Variants in TDRD7 observed in about 807,000 individuals in gnomAD.
TDRD7 encodes the protein tudor domain-containing protein 7.
TDRD7 carries 47 observed loss-of-function variants against 109.8 expected under a neutral mutation model. That is an observed-to-expected ratio of 0.43 (90% CI 0.34 to 0.55). The LOEUF (loss-of-function observed/expected upper bound fraction) is 0.55, where lower values mean the gene tolerates loss of function less well. Among genes scored for constraint, TDRD7 ranks in the 20% least tolerant of loss-of-function variants. The pLI is 0.03. For missense variants in TDRD7, 1,164 were observed against 1,319.2 expected (o/e 0.88, Z 1.82); for synonymous variants, 424 against 457.3 (o/e 0.93, Z 0.93).
chr9:97,447,591 A>G (rs1431290931), intron 6 of TDRD7, among the ~76,000 whole-genome samples: 1 of 152,234 alleles, frequency 6.6e-6, no homozygotes, highest in Non-Finnish European at 1.5e-5. Flanking sequence ...TTGAAAAGAA[A>G]TAAAGAGCAG....
chr9:97,434,500 A>G (rs1404100939), intron 4 of TDRD7, among the ~76,000 whole-genome samples: 1 of 152,180 alleles, frequency 6.6e-6, no homozygotes, highest in Non-Finnish European at 1.5e-5. Context: ...TGTTCTTACC[A>G]CAAAAAATAA....
At chr9:97,413,108 T>C (rs1026059298) in intron 1 of TDRD7, among the ~76,000 whole-genome samples, 2 of 152,138 alleles carry the variant, frequency 1.3e-5, no homozygotes, top group Non-Finnish European at 2.9e-5. Context: ...ACCACAGATC[T>C]AGTTCATTAA....
rs1295014575 is a variant in TDRD7 at position 97,475,393 on chromosome 9, C to G, written c.2090C>G (p.Ser697Cys). 1.2e-5 allele frequency: 20 copies of G among 1,613,170 alleles called. No individual in the cohort carries two copies. Among genetic ancestry groups the G allele is most frequent in the Non-Finnish European group, 1.5e-5 (18 of 1,179,434 alleles). ...ATTTCTGTTTTGCAGCACATGACCTCTGAGTGCTTTGTTTCATTACCCTTC... is the reference window on the plus strand; with the variant it reads ...ATTTCTGTTTTGCAGCACATGACCTGTGAGTGCTTTGTTTCATTACCCTTC... ...EDYFHCKHMTSECFVSLPFCG... is the reference protein window; with the variant it reads ...EDYFHCKHMTCECFVSLPFCG... Residue 697 changes from serine (S) to cysteine (C), a missense_variant, in exon 12 of 17, where the codon TCT (serine) becomes TGT (cysteine). By Grantham distance (112) the Ser-to-Cys change is moderately radical. Around this residue, in one of 5 missense-constraint regions of TDRD7, gnomAD observed 261 missense variants for 336.2 expected, o/e 0.78. Transcript: ENST00000355295.
rs888437246 is a variant in TDRD7, at chr9:97,428,647, G to A, written c.182G>A (p.Arg61Lys). 9 of 1,613,760 alleles carry A rather than the reference G, an allele frequency of 5.6e-6. No individual in the cohort carries two copies. The highest frequency in any genetic ancestry group is 7.6e-6 in the Non-Finnish European group (9 of 1,179,930). Reference protein sequence around the residue: ...AYLRSVPAVVRIETSRSGEIT... With the variant: ...AYLRSVPAVVKIETSRSGEIT... ...CTGAGAAGTGTGCCAGCAGTGGTCAGGATAGAGACTAGTAGATCTGGAGAG... is the reference window on the plus strand; with the variant it reads ...CTGAGAAGTGTGCCAGCAGTGGTCAAGATAGAGACTAGTAGATCTGGAGAG... Residue 61 changes from arginine (R) to lysine (K), a missense_variant, in exon 2 of 17, where the codon AGG (arginine) becomes AAG (lysine). This residue lies in a region of TDRD7 where 101 missense variants were observed against 148.5 expected (regional missense o/e 0.68). Transcript: ENST00000355295.
intron 7 of TDRD7, among the ~76,000 whole-genome samples, chr9:97,461,278 T>C (rs1297871418): frequency 6.6e-6 from 1 of 152,206 alleles, no homozygotes; most frequent in Non-Finnish European, 1.5e-5. Flanking sequence ...GGAATGATAA[T>C]ATGAACTTGA....
chr9:97,431,523 A>G (rs964915957), intron 3 of TDRD7, among the ~76,000 whole-genome samples: 1 of 152,212 alleles, frequency 6.6e-6, no homozygotes, highest in Non-Finnish European at 1.5e-5. Context: ...CCGAACACTT[A>G]TCTCAAGGAT....
chr9:97,482,803 T>C, intron 14 of TDRD7, 46 bp from the exon 15 acceptor site: 1 of 1,604,082 alleles, frequency 6.2e-7, no homozygotes, highest in Non-Finnish European at 8.5e-7. Flanking sequence ...TCTCAAAATT[T>C]AATGTGAACT....
chr9:97,480,272 G>T, intron 13 of TDRD7: 1 of 164,642 alleles, frequency 6.1e-6, no homozygotes, highest in Non-Finnish European at 1.3e-5. Context: ...GGAAAATGAA[G>T]CTTTTAGGGA....
chr9:97,421,318 A>G (rs1827896244), intron 1 of TDRD7, among the ~76,000 whole-genome samples: 1 of 152,090 alleles, frequency 6.6e-6, no homozygotes, highest in African/African-American at 2.4e-5. Flanking sequence ...TTTAATTTGC[A>G]TTTCCCTAAT....
rs145155831 is a variant in TDRD7, at chr9:97,481,567, C to T, written c.2412+629C>T. Reference sequence around the variant, plus strand: ...TATATAAACATTTAAAATGAAATGTCCTTGAAAAATATCTTCATGAAGACC... The same window carrying T: ...TATATAAACATTTAAAATGAAATGTTCTTGAAAAATATCTTCATGAAGACC... On this transcript the variant is annotated intron_variant, in intron 14 of 16. Coordinates refer to ENST00000355295, the MANE Select transcript of TDRD7 (RefSeq NM_014290.3). Among the ~76,000 whole-genome samples, 319 of 152,224 alleles carry T rather than the reference C, an allele frequency of 2.1e-3. 8 individuals carry two copies. The East Asian group carries it at 0.047, about 22-fold the overall frequency.
At chr9:97,465,085 A>G (rs1417646968) in intron 8 of TDRD7, 57 bp downstream of exon 8, 2 of 1,545,646 alleles carry the variant, frequency 1.3e-6, no homozygotes, top group Non-Finnish European at 1.7e-6. Flanking sequence ...ATTATTTTCC[A>G]AATGTAAATA....
intron 4 of TDRD7, among the ~76,000 whole-genome samples, chr9:97,437,693 A>C (rs1039494951): frequency 6.6e-6 from 1 of 152,208 alleles, no homozygotes; most frequent in Non-Finnish European, 1.5e-5. Flanking sequence ...CTGATCATTG[A>C]CAGTTACTGT....
chr9:97,448,022 A>G (rs887912425), intron 6 of TDRD7, among the ~76,000 whole-genome samples: 1 of 152,224 alleles, frequency 6.6e-6, no homozygotes, highest in Non-Finnish European at 1.5e-5. Context: ...CATGGAGTCT[A>G]TTAAATGACT....
At chr9:97,478,122 G>T (rs563576646) in intron 12 of TDRD7, among the ~76,000 whole-genome samples, 2 of 152,144 alleles carry the variant, frequency 1.3e-5, no homozygotes, top group Non-Finnish European at 2.9e-5. Context: ...TTAGCTGGTT[G>T]TGGTGGTGGG....
At chr9:97,452,793 G>T (rs1397472392) in intron 6 of TDRD7, among the ~76,000 whole-genome samples, 1 of 152,216 alleles carries the variant, frequency 6.6e-6, no homozygotes, top group Non-Finnish European at 1.5e-5. Context: ...TGGGAATTCT[G>T]CTCTTGCCCT....
rs769073449 is a variant in TDRD7, at chr9:97,452,364, G to A, written c.856-7814G>A. 5.3e-5 allele frequency among the ~76,000 whole-genome samples: 8 copies of A among 152,274 alleles called. No homozygotes were observed. In the South Asian group the frequency reaches 6.2e-4, roughly 12 times the overall value. On this transcript the variant is annotated intron_variant, in intron 6 of 16. Coordinates refer to ENST00000355295, the MANE Select transcript of TDRD7 (RefSeq NM_014290.3). ...ATCAATTCCAGGTAGAGTCAGGTTC[G>A]GTGCCTTGTTAGGCCTATGTTTAAT... is the stretch of plus-strand genomic sequence containing the variant.
rs1471932519 is a variant in TDRD7 at position 97,484,486 on chromosome 9, A to T, written c.2915+1135A>T. Among the ~76,000 whole-genome samples the T allele has an allele frequency of 4.7e-5, 7 of 149,538 alleles. No homozygotes were observed. In the South Asian group the frequency reaches 1.3e-3, roughly 27 times the overall value. ...CCCTCCCCAACACACACACACACAC[A>T]CACACACCCCAAAACTCAGTTTAAA... is the stretch of plus-strand genomic sequence containing the variant. On this transcript the variant is annotated intron_variant, in intron 15 of 16. Coordinates refer to ENST00000355295, the MANE Select transcript of TDRD7 (RefSeq NM_014290.3).
At chr9:97,444,157 T>G (rs1828359024) in intron 6 of TDRD7, among the ~76,000 whole-genome samples, 1 of 152,226 alleles carries the variant, frequency 6.6e-6, no homozygotes, top group African/African-American at 2.4e-5. Context: ...TGGTTGCTTT[T>G]TATAGCACTT....
rs1022307396 is a variant in TDRD7, at chr9:97,459,323, C to T, written c.856-855C>T. Among the ~76,000 whole-genome samples the T allele has an allele frequency of 3.9e-5, 6 of 152,026 alleles. No homozygotes were observed. In the South Asian group the frequency reaches 1.2e-3, roughly 32 times the overall value. ...TATATTGAGTTTCATATAATTTTTGCAAGTTATGAAATAATTCTTTTGATT... is the reference window on the plus strand; with the variant it reads ...TATATTGAGTTTCATATAATTTTTGTAAGTTATGAAATAATTCTTTTGATT... On this transcript the variant is annotated intron_variant, in intron 6 of 16. Transcript: ENST00000355295.
Sources: gnomAD v4.1 joint callset for allele counts (sites outside exome capture counted in the v4.1 genomes callset) on GRCh38, gnomAD v4.1.1 for gene constraint, gnomAD v4.1.1 regional missense constraint, MANE v1.5 for transcripts, NCBI Gene and HGNC (gene_info 2026-07-23, HGNC 2026-07-21) for gene names.